ACTR3C: variants seen among roughly 807,000 people sequenced by gnomAD.
ACTR3C encodes actin-related protein 3C.
ACTR3C carries 18 observed loss-of-function variants against 26.3 expected under a neutral mutation model. The ratio of observed to expected loss-of-function variants is 0.68; its 90% CI spans 0.47 to 1.01. The LOEUF is 1.01. ACTR3C is among the 50% of genes least tolerant of loss of function. The probability of loss-of-function intolerance (pLI) is 0.00; values close to 1 mark genes in which losing one functional copy is unlikely to be tolerated. For missense variants in ACTR3C, 184 were observed against 250.7 expected (o/e 0.73, Z 1.80); for synonymous variants, 55 against 94.5 (o/e 0.58, Z 2.42).
At chr7:149,888,389 C>T in the ACTR3C span, among the ~76,000 whole-genome samples, 7 of 152,236 alleles carry the variant, frequency 4.6e-5, no homozygotes, top group South Asian at 1.2e-3. Flanking sequence ...TTTCAATTTA[C>T]ACTCAACCAA....
At chr7:149,968,670 A>T in the ACTR3C span, among the ~76,000 whole-genome samples, 1 of 152,154 alleles carries the variant, frequency 6.6e-6, no homozygotes, top group African/African-American at 2.4e-5. Context: ...ATTTTCAAAA[A>T]ATTTTGTTTT....
the ACTR3C span, among the ~76,000 whole-genome samples, chr7:149,998,999 AAG>A: frequency 2.5e-3 from 381 of 150,368 alleles, 10 homozygotes; most frequent in Non-Finnish European, 3.1e-3. Context: ...GAGGCCACAT[AAG>A]AGAGCCTGGA....
At chr7:150,139,144 C>T in the ACTR3C span, among the ~76,000 whole-genome samples, 1 of 152,268 alleles carries the variant, frequency 6.6e-6, no homozygotes, top group African/African-American at 2.4e-5. Context: ...CACCCCACTC[C>T]CCGGTCCATG....
the ACTR3C span, among the ~76,000 whole-genome samples, chr7:149,979,759 T>G: frequency 6.6e-6 from 1 of 151,402 alleles, no homozygotes; most frequent in African/African-American, 2.4e-5. Context: ...TTTCTGATAG[T>G]CTAAGCAAGA....
At chr7:149,961,690 T>C in the ACTR3C span, among the ~76,000 whole-genome samples, 1 of 151,310 alleles carries the variant, frequency 6.6e-6, no homozygotes, top group East Asian at 2.0e-4. Flanking sequence ...TCACAAGAAG[T>C]GTAGGCTTAC....
the ACTR3C span, among the ~76,000 whole-genome samples, chr7:150,023,158 T>G: frequency 3.4e-5 from 3 of 87,020 alleles, no homozygotes; most frequent in Non-Finnish European, 8.1e-5. Flanking sequence ...TCTATATAGA[T>G]ATCTATATAG....
At chr7:150,172,315 T>C in the ACTR3C span, among the ~76,000 whole-genome samples, 10 of 150,626 alleles carry the variant, frequency 6.6e-5, no homozygotes, top group Admixed American at 2.0e-4. Context: ...CTCAGAATCA[T>C]GGCAGGAGGT....
chr7:150,039,094 C>G, the ACTR3C span, among the ~76,000 whole-genome samples: 8 of 149,668 alleles, frequency 5.3e-5, no homozygotes, highest in South Asian at 2.1e-4. Context: ...CTAACACCCA[C>G]AGTCCTCCAG....
At chr7:149,912,649 C>G in the ACTR3C span, among the ~76,000 whole-genome samples, 3 of 151,970 alleles carry the variant, frequency 2.0e-5, 1 homozygote, top group African/African-American at 4.8e-5. Flanking sequence ...ATTACAGGCG[C>G]CTGCCACCAC....
At chr7:149,891,499 T>C in the ACTR3C span, 1 of 312,668 alleles carries the variant, frequency 3.2e-6, no homozygotes, top group African/African-American at 2.3e-5. Flanking sequence ...TCTCCTCCAC[T>C]CATTTCCACA....
At chr7:150,090,887 C>T in the ACTR3C span, among the ~76,000 whole-genome samples, 18 of 152,178 alleles carry the variant, frequency 1.2e-4, no homozygotes, top group Admixed American at 1.2e-3. Context: ...GAGGGGCTGA[C>T]TCTGGGGTGA....
chr7:150,230,137 A>C, the ACTR3C span, among the ~76,000 whole-genome samples: 1 of 151,748 alleles, frequency 6.6e-6, no homozygotes, highest in African/African-American at 2.4e-5. Flanking sequence ...AGGCAGGAGA[A>C]TCATTTGAAC....
At chr7:150,270,644 C>G (rs1377568317) in intron 6 of ACTR3C, among the ~76,000 whole-genome samples, 1 of 152,176 alleles carries the variant, frequency 6.6e-6, no homozygotes, top group South Asian at 2.1e-4. Context: ...GTGCTCAGCA[C>G]AGCACTCTAA....
At chr7:150,095,252 C>T in the ACTR3C span, among the ~76,000 whole-genome samples, 3 of 149,514 alleles carry the variant, frequency 2.0e-5, no homozygotes, top group Admixed American at 2.0e-4. Context: ...GGGGTCTGAC[C>T]ACAAGGACAA....
chr7:150,223,885 G>A, the ACTR3C span, among the ~76,000 whole-genome samples: 1 of 152,180 alleles, frequency 6.6e-6, no homozygotes, highest in African/African-American at 2.4e-5. Flanking sequence ...TCATCAGAAG[G>A]CTCTACTAGG....
chr7:150,171,420 C>T, the ACTR3C span, among the ~76,000 whole-genome samples: 2,931 of 126,862 alleles, frequency 0.023, 262 homozygotes, highest in African/African-American at 0.079. Flanking sequence ...AATTTAAAAA[C>T]TATAAAGAAT....
At chr7:150,046,080 C>T in the ACTR3C span, among the ~76,000 whole-genome samples, 5,400 of 152,182 alleles carry the variant, frequency 0.035, 311 homozygotes, top group African/African-American at 0.12. Context: ...AGGGACATGC[C>T]TTTGAATGAC....
At chr7:150,122,451 T>C in the ACTR3C span, among the ~76,000 whole-genome samples, 2 of 152,098 alleles carry the variant, frequency 1.3e-5, no homozygotes, top group Non-Finnish European at 2.9e-5. Context: ...ACTTTTCAAA[T>C]GAAGACATTT....
intron 2 of ACTR3C, among the ~76,000 whole-genome samples, chr7:150,294,653 C>A (rs190963391): frequency 6.6e-6 from 1 of 152,342 alleles, no homozygotes; most frequent in African/African-American, 2.4e-5. Flanking sequence ...TTCTATGGAA[C>A]TTTTCCTCCT....
Sources: gnomAD v4.1 joint callset for allele counts (sites outside exome capture counted in the v4.1 genomes callset) on GRCh38, gnomAD v4.1.1 for gene constraint, MANE v1.5 for transcripts, NCBI Gene and HGNC (gene_info 2026-07-23, HGNC 2026-07-21) for gene names.